Variants in HACL1 observed in about 807,000 individuals in gnomAD.
The protein encoded by HACL1 is 1600020H07Rik.
In HACL1, 64 loss-of-function variants were observed where a neutral mutation model predicts 74.2. The observed-to-expected ratio is 0.86, with a 90% CI of 0.70 to 1.06. HACL1 has a LOEUF of 1.06. Among genes scored for constraint, HACL1 ranks in the 50% least tolerant of loss-of-function variants. HACL1 has a pLI of 0.00. For missense variants in HACL1, 728 were observed against 719.7 expected (o/e 1.01, Z -0.13); for synonymous variants, 230 against 238.8 (o/e 0.96, Z 0.34).
chr3:15,601,191 C>A lies in HACL1; in HGVS notation c.85G>T (p.Val29Leu). 2 of 1,610,070 alleles carry A rather than the reference C, an allele frequency of 1.2e-6. No individual in the cohort carries two copies. Among genetic ancestry groups the A allele is most frequent in the Non-Finnish European group, 1.7e-6 (2 of 1,176,290 alleles). Reference protein sequence around the residue: ...VIAQALKTQDVEYIFGIVGIP... With the variant: ...VIAQALKTQDLEYIFGIVGIP... ...CCTACGATGCCAAATATGTACTCCA[C>A]ATCCTGAGGAACGAAGAACAGGGGA... Residue 29 changes from valine to leucine, a missense_variant, in exon 2 of 17, where the codon GTG becomes TTG. Val to Leu is a conservative substitution (Grantham distance 32, BLOSUM62 1). Coordinates refer to ENST00000321169, the MANE Select transcript of HACL1 (RefSeq NM_012260.4).
rs571777112 is a variant in HACL1, at chr3:15,579,936, T to C, written c.777A>G (p.Pro259=). The C allele has an allele frequency of 1.2e-6, 2 of 1,612,110 alleles. No individual in the cohort carries two copies. Among genetic ancestry groups the C allele is most frequent in the South Asian group, 1.1e-5 (1 of 90,884 alleles). Residue 259 remains proline, a synonymous_variant, in exon 9 of 17, where the codon CCA becomes CCG. Coordinates refer to ENST00000321169, the MANE Select transcript of HACL1 (RefSeq NM_012260.4). ...MGKGVVPDNH[P]YCVGAARSRA... ...TGGATCTGGCTGCACCTACACAGTA[T>C]GGATGGTTGTCAGGGACAACACCCT...
intron 4 of HACL1, among the ~76,000 whole-genome samples, chr3:15,590,847 A>G (rs1033649529): frequency 1.3e-5 from 2 of 152,178 alleles, no homozygotes; most frequent in East Asian, 1.9e-4. Context: ...TTGGGAAGCC[A>G]AGGCAGGTGG....
At chr3:15,586,474 G>T (rs375200780) in intron 6 of HACL1, 51 bp downstream of exon 6, 12 of 925,052 alleles carry the variant, frequency 1.3e-5, no homozygotes, top group Non-Finnish European at 2.1e-5. Context: ...GTAAGTATGA[G>T]CAACTGAGAA....
chr3:15,599,051 G>A (rs537215372), intron 2 of HACL1, among the ~76,000 whole-genome samples: 3 of 152,334 alleles, frequency 2.0e-5, no homozygotes, highest in Non-Finnish European at 2.9e-5. Flanking sequence ...GTTAATGCCT[G>A]CTTATCCTTC....
chr3:15,573,373 C>T (rs889499922), intron 10 of HACL1, 131 bp from the exon 11 acceptor site: 7 of 604,782 alleles, frequency 1.2e-5, no homozygotes, highest in African/African-American at 1.9e-5. Flanking sequence ...TCAGAAGTTC[C>T]TTAATAAAAA....
At chr3:15,571,040 T>C (rs898551611) in intron 12 of HACL1, among the ~76,000 whole-genome samples, 1 of 151,888 alleles carries the variant, frequency 6.6e-6, no homozygotes, top group East Asian at 1.9e-4. Context: ...TGCAGTGGCA[T>C]GATCTACTAC....
intron 12 of HACL1, among the ~76,000 whole-genome samples, chr3:15,570,409 C>T (rs73148169): frequency 4.6e-5 from 7 of 151,110 alleles, no homozygotes; most frequent in Admixed American, 6.6e-5. Flanking sequence ...ATGTTTGATG[C>T]GAAAATGTGA....
chr3:15,601,446 GA>G lies in HACL1; in HGVS notation c.17del (p.Phe6SerfsTer19). On this transcript the variant is annotated frameshift_variant, in exon 1 of 17. Coordinates refer to ENST00000321169, the MANE Select transcript of HACL1 (RefSeq NM_012260.4). LOFTEE classifies it high-confidence loss of function. MPDSN[F>X]AERSEEQVSG... ...ACACCTGCTCCTCGCTGCGCTCTGCGAAGTTACTGTCCGGCATCTTCCACCG... is the reference window on the plus strand; with the variant it reads ...ACACCTGCTCCTCGCTGCGCTCTGCGAGTTACTGTCCGGCATCTTCCACCG... The G allele has an allele frequency of 3.1e-6, 5 of 1,613,564 alleles. No individual in the cohort carries two copies. The highest frequency in any genetic ancestry group is 4.2e-6 in the Non-Finnish European group (5 of 1,180,036).
chr3:15,580,907 G>C (rs769065835), intron 8 of HACL1, among the ~76,000 whole-genome samples: 7 of 152,114 alleles, frequency 4.6e-5, no homozygotes, highest in Non-Finnish European at 1.0e-4. Context: ...TATCTTTTTT[G>C]TTGTTGTTGT....
chr3:15,584,589 A>G (rs1359949296), intron 7 of HACL1, among the ~76,000 whole-genome samples: 2 of 152,120 alleles, frequency 1.3e-5, no homozygotes, highest in African/African-American at 4.8e-5. Flanking sequence ...CTCAGTCTCA[A>G]ATTGAAAAAA....
chr3:15,564,187 C>A (rs912681660), intron 15 of HACL1, among the ~76,000 whole-genome samples: 3 of 152,196 alleles, frequency 2.0e-5, no homozygotes, highest in African/African-American at 7.2e-5. Context: ...GGAAGGTAGA[C>A]CTCTGGAACA....
At chr3:15,586,255 C>G (rs534367043) in intron 6 of HACL1, among the ~76,000 whole-genome samples, 4 of 152,192 alleles carry the variant, frequency 2.6e-5, no homozygotes, top group African/African-American at 9.6e-5. Context: ...CATTATAAAC[C>G]TTTCTCTTTA....
chr3:15,575,191 A>C (rs1325260913), intron 9 of HACL1, 109 bp from the exon 10 acceptor site: 1 of 584,948 alleles, frequency 1.7e-6, no homozygotes, highest in Admixed American at 2.7e-5. Flanking sequence ...CTTACATCAG[A>C]CTTCAGAATC....
At chr3:15,561,686 GATTATT>G (rs1445816102) in intron 16 of HACL1, among the ~76,000 whole-genome samples, 1 of 152,110 alleles carries the variant, frequency 6.6e-6, no homozygotes, top group African/African-American at 2.4e-5. Context: ...TGATGATGAT[GATTATT>G]ATTATTTTGA....
chr3:15,572,649 T>C (rs2063555693), intron 11 of HACL1, among the ~76,000 whole-genome samples: 1 of 152,244 alleles, frequency 6.6e-6, no homozygotes, highest in Non-Finnish European at 1.5e-5. Flanking sequence ...CAAAATCAAG[T>C]GATAAATGTG....
At chr3:15,567,640 CCATA>C (rs2063459881) in intron 14 of HACL1, among the ~76,000 whole-genome samples, 200 bp downstream of exon 14, 1 of 152,150 alleles carries the variant, frequency 6.6e-6, no homozygotes, top group African/African-American at 2.4e-5. Flanking sequence ...CAGGTTTTTA[CCATA>C]CAGTGAGGAG....
chr3:15,580,087 T>C (rs2063695367), intron 8 of HACL1, 42 bp from the exon 9 acceptor site: 2 of 1,544,748 alleles, frequency 1.3e-6, no homozygotes, highest in Non-Finnish European at 1.8e-6. Context: ...AGTTAAGCTA[T>C]AGGCACTGTG....
At chr3:15,582,631 A>C (rs1365189779) in intron 8 of HACL1, among the ~76,000 whole-genome samples, 1 of 152,214 alleles carries the variant, frequency 6.6e-6, no homozygotes, top group African/African-American at 2.4e-5. Context: ...AATGTTTTAT[A>C]ATAGAATAAG....
rs780603282 is a variant in HACL1 at position 15,575,004 on chromosome 3, T to C, written c.882A>G (p.Arg294=). ...NWILHFGLPP[R]YQPDVKFIQV... is the part of the protein sequence containing the mutation. The stretch of plus-strand genomic sequence containing the variant: ...GGATAAACTTCACATCTGGCTGATA[T>C]CTTGGAGGCAGTCCAAAATGTAAAA... Residue 294 remains arginine, a synonymous_variant, in exon 10 of 17, where the codon AGA becomes AGG. Transcript: ENST00000321169. 6.4e-7 allele frequency: 1 copy of C among 1,570,648 alleles called. No homozygotes were observed. The highest frequency in any genetic ancestry group is 1.7e-5 in the Admixed American group (1 of 59,928).
Sources: allele counts gnomAD v4.1 joint callset (sites outside exome capture counted in the v4.1 genomes callset), GRCh38; gene constraint gnomAD v4.1.1; transcripts MANE v1.5; gene names NCBI Gene and HGNC (gene_info 2026-07-23, HGNC 2026-07-21).